The following TRIM35 variants were observed in gnomAD, a reference collection of about 807,000 sequenced individuals.
The protein encoded by TRIM35 is E3 ubiquitin-protein ligase TRIM35.
TRIM35 carries 37 observed loss-of-function variants against 49.1 expected under a neutral mutation model. The ratio of observed to expected loss-of-function variants is 0.75; its 90% CI spans 0.58 to 0.99. The LOEUF is 0.99. Ranked by LOEUF, TRIM35 falls within the 50% of genes least tolerant of loss-of-function variation. TRIM35 has a pLI of 0.00. For synonymous variants in TRIM35, 302 were observed against 289.3 expected, an observed-to-expected ratio of 1.04 and a Z score of -0.45; for missense variants, 648 against 702.7, an observed-to-expected ratio of 0.92 and a Z score of 0.88.
In TRIM35 at chr8:27,311,167, G is replaced by T. The variant is rs1249902535; in HGVS notation, c.69C>A (p.Val23=). 1 of 1,607,608 alleles carries T rather than the reference G, an allele frequency of 6.2e-7. No individual in the cohort carries two copies. The highest frequency in any genetic ancestry group is 8.5e-7 in the Non-Finnish European group (1 of 1,178,084). ...RSFKEELLCA[V]CYDPFRDAVT... ...CTGCGTCGCGGAAGGGGTCGTAGCAGACGGCGCAGAGCAACTCCTCCTTGA... is the reference window on the plus strand; with the variant it reads ...CTGCGTCGCGGAAGGGGTCGTAGCATACGGCGCAGAGCAACTCCTCCTTGA... The change falls in exon 1 of 6, where the codon GTC becomes GTA. Residue 23 remains valine, a synonymous_variant. Transcript: ENST00000305364.
chr8:27,311,071 G>C lies in TRIM35; in HGVS notation c.165C>G (p.Pro55=), dbSNP rs1412352002. The change falls in exon 1 of 6, where the codon CCC becomes CCG. Residue 55 remains proline, a synonymous_variant. Coordinates refer to ENST00000305364, the MANE Select transcript of TRIM35 (RefSeq NM_171982.5). ...VSRCWEVQVS[P]TCPVCKDRAS... ...CGCGGTCTTTGCACACTGGGCAGGT[G>C]GGCGACACCTGCACCTCCCAGCAGC... 6.3e-7 allele frequency: 1 copy of C among 1,596,810 alleles called. No homozygotes were observed. The highest frequency in any genetic ancestry group is 8.5e-7 in the Non-Finnish European group (1 of 1,172,610).
chr8:27,310,769 C>G, intron 1 of TRIM35, 32 bp downstream of exon 1: 1 of 1,541,546 alleles, frequency 6.5e-7, no homozygotes. Context: ...CCAGACCCGG[C>G]TCGGCCGCCT....
chr8:27,310,613 G>A (rs1802909933), intron 1 of TRIM35, among the ~76,000 whole-genome samples, 188 bp downstream of exon 1: 1 of 152,350 alleles, frequency 6.6e-6, no homozygotes, highest in Admixed American at 6.5e-5. Context: ...CCCAGCACGG[G>A]CCCCTGGGCC....
At chr8:27,289,086 A>T in intron 5 of TRIM35, 76 bp downstream of exon 5, 1 of 1,244,106 alleles carries the variant, frequency 8.0e-7, no homozygotes. Context: ...CCCGGCAGAG[A>T]CCAGCCCTGG....
At chr8:27,310,554 G>A (rs1802907030) in intron 1 of TRIM35, among the ~76,000 whole-genome samples, 1 of 152,238 alleles carries the variant, frequency 6.6e-6, no homozygotes, top group African/African-American at 2.4e-5. Context: ...TCGCTGTCTT[G>A]GGAACATCAT....
Position 27,289,261 on chromosome 8 carries a change from G to A in TRIM35, c.805C>T (p.Pro269Ser). 1 of 1,614,098 alleles carries A rather than the reference G, an allele frequency of 6.2e-7. No homozygotes were observed. Among genetic ancestry groups the A allele is most frequent in the Non-Finnish European group, 8.5e-7 (1 of 1,179,962 alleles). ...AGCATGCCGGGCTGGACTGGCTCTGGCTCCATGGTGCAGAAGAGTCTGGAA... is the reference window on the plus strand; with the variant it reads ...AGCATGCCGGGCTGGACTGGCTCTGACTCCATGGTGCAGAAGAGTCTGGAA... Reference protein sequence around the residue: ...RKRRLFCTMEPEPVQPGMLID... With the variant: ...RKRRLFCTMESEPVQPGMLID... The change falls in exon 5 of 6, where the codon CCA becomes TCA. Residue 269 changes from proline to serine, a missense_variant. By Grantham distance (74) the Pro-to-Ser change is moderately conservative. Transcript: ENST00000305364.
Position 27,288,140 on chromosome 8 carries a change from G to A in TRIM35, c.905-13C>T, listed in dbSNP as rs1802377676. The A allele has an allele frequency of 1.3e-6, 2 of 1,590,988 alleles. No individual in the cohort carries two copies. Among genetic ancestry groups the A allele is most frequent in the African/African-American group, 1.3e-5 (1 of 74,684 alleles). ...AAGCTGAAGGGTACTGCAAGCAGAG[G>A]CGGAAATGGGGAATCAGCAAACCTG... is the stretch of plus-strand genomic sequence containing the variant. On this transcript the variant is annotated splice_polypyrimidine_tract_variant and intron_variant, in intron 5 of 5. Coordinates refer to ENST00000305364, the MANE Select transcript of TRIM35 (RefSeq NM_171982.5).
chr8:27,298,572 T>C lies in TRIM35; in HGVS notation c.436-13A>G. ...TCCTGCACTTGGCCTGACATGGGAA[T>C]GAGAGAGAGGGAGGAAGACAGGTTA... On this transcript the variant is annotated splice_polypyrimidine_tract_variant and intron_variant, in intron 1 of 5. Coordinates refer to ENST00000305364, the MANE Select transcript of TRIM35 (RefSeq NM_171982.5). 1.2e-6 allele frequency: 2 copies of C among 1,612,112 alleles called. No individual in the cohort carries two copies. Among genetic ancestry groups the C allele is most frequent in the Non-Finnish European group, 1.7e-6 (2 of 1,178,212 alleles).
chr8:27,308,571 G>A (rs1286626610), intron 1 of TRIM35, among the ~76,000 whole-genome samples: 4 of 152,114 alleles, frequency 2.6e-5, no homozygotes, highest in African/African-American at 9.7e-5. Context: ...CACCTACCTT[G>A]AATCACACAG....
rs1017014237 is a variant in TRIM35, at chr8:27,302,498, T to G, written c.436-3939A>C. On this transcript the variant is annotated intron_variant, in intron 1 of 5. Coordinates refer to ENST00000305364, the MANE Select transcript of TRIM35 (RefSeq NM_171982.5). The stretch of plus-strand genomic sequence containing the variant: ...AATCATAGCTCACTGCAGCCTCCTG[T>G]GCTCAAGTGATCCTCCCACCACCTC... Among the ~76,000 whole-genome samples, 6 of 152,104 alleles carry G rather than the reference T, an allele frequency of 3.9e-5. No homozygotes were observed. In the South Asian group the frequency reaches 1.0e-3, roughly 26 times the overall value.
intron 3 of TRIM35, among the ~76,000 whole-genome samples, chr8:27,290,784 T>A (rs909209489): frequency 6.6e-6 from 1 of 152,046 alleles, no homozygotes; most frequent in Non-Finnish European, 1.5e-5. Context: ...ACACAAAATT[T>A]CAAGGAACCC....
intron 1 of TRIM35, among the ~76,000 whole-genome samples, chr8:27,299,100 C>T (rs1387054015): frequency 6.6e-6 from 1 of 152,216 alleles, no homozygotes; most frequent in Non-Finnish European, 1.5e-5. Context: ...CCTCCATACC[C>T]CTCCTGCATC....
chr8:27,308,814 A>T (rs918863362), intron 1 of TRIM35, among the ~76,000 whole-genome samples: 1 of 152,068 alleles, frequency 6.6e-6, no homozygotes, highest in African/African-American at 2.4e-5. Context: ...TGACACCATC[A>T]TTCTTCTGCT....
chr8:27,288,653 G>A (rs1242164836), intron 5 of TRIM35, among the ~76,000 whole-genome samples: 1 of 152,150 alleles, frequency 6.6e-6, no homozygotes, highest in Non-Finnish European at 1.5e-5. Context: ...GTCAACTTCT[G>A]TCATTTTCTA....
chr8:27,296,544 C>G (rs1172925584), intron 2 of TRIM35, among the ~76,000 whole-genome samples: 3 of 152,186 alleles, frequency 2.0e-5, no homozygotes, highest in African/African-American at 4.8e-5. Context: ...GACCTCATTA[C>G]CCTTAGCCTC....
intron 1 of TRIM35, among the ~76,000 whole-genome samples, chr8:27,302,551 C>T (rs1188287990): frequency 1.3e-5 from 2 of 152,208 alleles, no homozygotes; most frequent in East Asian, 3.9e-4. Flanking sequence ...GGACTACAAG[C>T]ATGCACCACC....
At chr8:27,306,719 A>G (rs1010834403) in intron 1 of TRIM35, among the ~76,000 whole-genome samples, 3 of 152,226 alleles carry the variant, frequency 2.0e-5, no homozygotes, top group Non-Finnish European at 4.4e-5. Flanking sequence ...CATAGCAGGT[A>G]AAGAATGTGC....
intron 1 of TRIM35, among the ~76,000 whole-genome samples, chr8:27,303,423 C>T (rs1430435395): frequency 1.3e-5 from 2 of 152,056 alleles, no homozygotes; most frequent in African/African-American, 4.8e-5. Flanking sequence ...GGAAATATGA[C>T]ATGTAAGAAG....
intron 1 of TRIM35, among the ~76,000 whole-genome samples, chr8:27,301,493 C>T (rs1411546106): frequency 6.6e-6 from 1 of 152,130 alleles, no homozygotes; most frequent in Non-Finnish European, 1.5e-5. Context: ...GTTTATTGAC[C>T]ACTTCAATGT....
Sources: allele counts gnomAD v4.1 joint callset (sites outside exome capture counted in the v4.1 genomes callset), GRCh38; gene constraint gnomAD v4.1.1; transcripts MANE v1.5; gene names NCBI Gene and HGNC (gene_info 2026-07-23, HGNC 2026-07-21).